THBS4: variants seen among roughly 807,000 people sequenced by gnomAD.
THBS4 encodes thrombospondin-4.
Under a neutral mutation model 115.7 loss-of-function variants are expected in THBS4, and 90 were observed. The observed-to-expected ratio is 0.78, with a 90% CI of 0.66 to 0.93. THBS4 has a LOEUF of 0.93. Ranked by LOEUF, THBS4 falls within the 40% of genes least tolerant of loss-of-function variation. THBS4 has a pLI of 0.00. For synonymous variants in THBS4, 460 were observed against 479.3 expected (o/e 0.96, Z 0.53); for missense variants, 1,087 against 1,232.7 (o/e 0.88, Z 1.77).
intron 2 of THBS4, among the ~76,000 whole-genome samples, chr5:80,044,909 T>C (rs1276510862): frequency 6.6e-6 from 1 of 152,138 alleles, no homozygotes; most frequent in Non-Finnish European, 1.5e-5. Flanking sequence ...TGGCTGATGC[T>C]CTTCTAGTAT....
At chr5:80,024,792 A>G (rs2151159844) in intron 2 of THBS4, among the ~76,000 whole-genome samples, 1 of 152,296 alleles carries the variant, frequency 6.6e-6, no homozygotes, top group South Asian at 2.1e-4. Flanking sequence ...AATTACAAGA[A>G]ATGCATTCTC....
chr5:80,070,218 T>G, intron 10 of THBS4, 88 bp from the exon 11 acceptor site: 1 of 1,135,740 alleles, frequency 8.8e-7, no homozygotes, highest in Non-Finnish European at 1.3e-6. Context: ...CCCCTGGGAT[T>G]GAGCAAAGGA....
upstream of THBS4, among the ~76,000 whole-genome samples, chr5:80,032,296 A>T (rs1230816883): frequency 6.6e-6 from 1 of 152,180 alleles, no homozygotes; most frequent in Admixed American, 6.5e-5. Flanking sequence ...GCAAAACCAG[A>T]TTGTAAATTC....
intron 1 of THBS4, among the ~76,000 whole-genome samples, chr5:80,038,502 C>CA (rs1832788648): frequency 6.6e-6 from 1 of 152,196 alleles, no homozygotes; most frequent in South Asian, 2.1e-4. Flanking sequence ...ATTTATTGAA[C>CA]AAGTGCAGGT....
At chr5:80,047,296 A>G (rs1408953840) in intron 2 of THBS4, among the ~76,000 whole-genome samples, 1 of 152,232 alleles carries the variant, frequency 6.6e-6, no homozygotes, top group Non-Finnish European at 1.5e-5. Flanking sequence ...AGTCCTGGAC[A>G]CATTTCACAA....
intron 1 of THBS4, among the ~76,000 whole-genome samples, chr5:79,995,672 G>T (rs1171330606): frequency 1.3e-5 from 2 of 152,110 alleles, no homozygotes; most frequent in African/African-American, 4.8e-5. Flanking sequence ...TGAGCAGCGG[G>T]GCTGGCAGGC....
chr5:80,029,886 C>T lies in THBS4; in HGVS notation n.178-10191C>T, dbSNP rs530282775. The stretch of plus-strand genomic sequence containing the variant: ...TCGGGAGGCTGAGATAGGAGAATGG[C>T]GTGAACCCGGGAGGCGGAGGTTGCA... On this transcript the variant is annotated intron_variant and non_coding_transcript_variant, in intron 2 of 3. Transcript: ENST00000510218. Among the ~76,000 whole-genome samples, 18 of 151,976 alleles carry T rather than the reference C, an allele frequency of 1.2e-4. 1 individual carries two copies. In the South Asian group the frequency reaches 3.1e-3, roughly 26 times the overall value.
At chr5:80,034,770 C>A (rs1328684659), upstream of THBS4, among the ~76,000 whole-genome samples, 5 of 152,184 alleles carry the variant, frequency 3.3e-5, no homozygotes, top group Non-Finnish European at 7.3e-5. Flanking sequence ...CAAACTTTCA[C>A]TGTGTCTCAA....
At position 80,080,579 on chromosome 5, in the gene THBS4, C is replaced by CTTTTT. The variant is rs67048630; in HGVS notation, c.2684+523_2684+527dup. ...AACTGCATGAGAGCAGCGCTTGTAT[C>CTTTTT]TTTTTTTTTTTTTTTTTTTTTTTTT... On this transcript the variant is annotated intron_variant, in intron 20 of 21. Coordinates refer to ENST00000350881, the MANE Select transcript of THBS4 (RefSeq NM_003248.6). Among the ~76,000 whole-genome samples, 165 of 50,492 alleles carry CTTTTT rather than the reference C, an allele frequency of 3.3e-3. 16 individuals carry two copies. The highest frequency in any genetic ancestry group is 0.012 in the East Asian group (13 of 1,052). 33.1% of individuals were successfully genotyped at this position (50,492 alleles called of 152,430 possible).
intron 19 of THBS4, 115 bp from the exon 20 acceptor site, chr5:80,079,790 C>A: frequency 8.7e-7 from 1 of 1,144,448 alleles, no homozygotes; most frequent in Non-Finnish European, 1.3e-6. Context: ...TGTTCTGAAT[C>A]CAAGGCAGCC....
chr5:79,998,250 C>T (rs1260957329), intron 1 of THBS4: 1 of 152,186 alleles, frequency 6.6e-6, no homozygotes, highest in Admixed American at 6.6e-5. Flanking sequence ...CCTTACTGTT[C>T]TCATAATAAT....
At chr5:79,993,513 C>T (rs1054289306) in intron 1 of THBS4, among the ~76,000 whole-genome samples, 2 of 152,100 alleles carry the variant, frequency 1.3e-5, no homozygotes, top group Non-Finnish European at 2.9e-5. Context: ...AGATTCCTAC[C>T]GGGAAGAATA....
chr5:80,050,996 T>G (rs921786699), intron 2 of THBS4, among the ~76,000 whole-genome samples: 15 of 152,166 alleles, frequency 9.9e-5, no homozygotes, highest in African/African-American at 3.4e-4. Context: ...GGGCCTGGCT[T>G]CTTCTTCCTT....
rs1465000331 is a variant in THBS4 at position 80,082,392 on chromosome 5, C to T, written c.2685-14C>T. 1 of 1,612,592 alleles carries T rather than the reference C, an allele frequency of 6.2e-7. No homozygotes were observed. The highest frequency in any genetic ancestry group is 8.5e-7 in the Non-Finnish European group (1 of 1,179,040). On this transcript the variant is annotated splice_polypyrimidine_tract_variant and intron_variant, in intron 20 of 21. Transcript: ENST00000350881. ...TGGATTTCATGGAGGCCCCTCCGGC[C>T]GTGTTGTCCGCAGGGTACGATTTTA... is the stretch of plus-strand genomic sequence containing the variant.
In THBS4 at chr5:80,077,925, G is replaced by A. The variant is rs1743294242; in HGVS notation, c.2087-124G>A. On this transcript the variant is annotated intron_variant, in intron 16 of 21. Transcript: ENST00000350881. The stretch of plus-strand genomic sequence containing the variant: ...AGGGCTCCTCTCCCAACACTGATGG[G>A]AAATCATGGCCCTGGTTGTGGGAGC... The A allele has an allele frequency of 7.1e-6, 6 of 842,996 alleles. No homozygotes were observed. In the East Asian group the frequency reaches 1.2e-4, roughly 17 times the overall value. The allele number at this position is 842,996 out of a possible 1,614,324, so 52.2% of individuals were successfully genotyped here.
chr5:80,058,940 C>T (rs1439384557), intron 5 of THBS4, 150 bp downstream of exon 5: 11 of 693,136 alleles, frequency 1.6e-5, no homozygotes, highest in Non-Finnish European at 2.1e-5. Flanking sequence ...CAGGGCTCTG[C>T]TGGAAGTTCT....
At position 80,076,997 on chromosome 5, in the gene THBS4, G is replaced by A; in HGVS notation, c.2035G>A (p.Gly679Arg). Residue 679 changes from glycine to arginine, a missense_variant, in exon 16 of 22, where the codon GGA (glycine) becomes AGA (arginine). Gly to Arg is a moderately radical substitution (Grantham distance 125, BLOSUM62 -2). Around this residue, in one of 3 missense-constraint regions of THBS4, gnomAD observed 979 missense variants for 1,103.7 expected, o/e 0.89. Coordinates refer to ENST00000350881, the MANE Select transcript of THBS4 (RefSeq NM_003248.6). ...NDGIPDLVPP[G>R]PDNCRLVPNP... The stretch of plus-strand genomic sequence containing the variant: ...TGGTATCCCAGACCTGGTGCCCCCT[G>A]GACCAGACAACTGCCGGCTGGTCCC... The A allele has an allele frequency of 6.2e-7, 1 of 1,612,962 alleles. No homozygotes were observed. The highest frequency in any genetic ancestry group is 8.5e-7 in the Non-Finnish European group (1 of 1,179,486).
chr5:80,059,366 A>T (rs1833545144), intron 5 of THBS4, 74 bp from the exon 6 acceptor site: 4 of 1,430,724 alleles, frequency 2.8e-6, no homozygotes, highest in Non-Finnish European at 3.9e-6. Context: ...AGATAGCTCC[A>T]CATGGATTCT....
Position 80,080,061 on chromosome 5 carries a change from C to T in THBS4, c.2668C>T (p.Gln890Ter). 1 of 1,613,932 alleles carries T rather than the reference C, an allele frequency of 6.2e-7. No individual in the cohort carries two copies. Among genetic ancestry groups the T allele is most frequent in the Non-Finnish European group, 8.5e-7 (1 of 1,179,912 alleles). Residue 890 changes from glutamine (Q) to a stop codon, truncating the protein, a stop_gained, in exon 20 of 22, where the codon CAG becomes TAG. Transcript: ENST00000350881. LOFTEE classifies it high-confidence loss of function. ...SYRWFLQHRP[Q>*]VGYIRVRFYE... Reference sequence around the variant, plus strand: ...CCGCTGGTTCCTACAGCACAGGCCCCAGGTGGGCTACATCAGGTAGGTAGA... The same window carrying T: ...CCGCTGGTTCCTACAGCACAGGCCCTAGGTGGGCTACATCAGGTAGGTAGA...
Sources: gnomAD v4.1 joint callset for allele counts (sites outside exome capture counted in the v4.1 genomes callset) on GRCh38, gnomAD v4.1.1 for gene constraint, gnomAD v4.1.1 regional missense constraint, MANE v1.5 for transcripts, NCBI Gene and HGNC (gene_info 2026-07-23, HGNC 2026-07-21) for gene names.